The following MGST1 variants were observed in gnomAD, a reference collection of about 807,000 sequenced individuals.
MGST1 encodes microsomal glutathione S-transferase 1.
A neutral mutation model predicts 8.9 loss-of-function variants in MGST1; 5 were observed. That is an observed-to-expected ratio of 0.56 (90% confidence interval 0.29 to 1.19). The LOEUF (loss-of-function observed/expected upper bound fraction) is 1.19. MGST1 is among the 50% of genes most tolerant of loss of function. MGST1 has a pLI of 0.08. For missense variants in MGST1, 182 were observed against 187.4 expected (o/e 0.97, Z 0.17); for synonymous variants, 54 against 67.8 (o/e 0.80, Z 1.00).
Position 16,587,757 on chromosome 12 carries a change from G to T in MGST1, n.483-1771G>T, listed in dbSNP as rs905340732. On this transcript the variant is annotated intron_variant and non_coding_transcript_variant, in intron 4 of 4. Transcript: ENST00000538857. This position sits in a 1 kb window ranked among gnomAD's most constrained non-coding sequence, Gnocchi z 4.3. ...CAGTAAACACTGCCTTTGGTACACA[G>T]GGTTCTCTTAGCATTTATCTGTCTA... 2.0e-5 allele frequency among the ~76,000 whole-genome samples: 3 copies of T among 151,552 alleles called. No individual in the cohort carries two copies. The highest frequency in any genetic ancestry group is 4.4e-5 in the Non-Finnish European group (3 of 67,718).
intron 4 of MGST1, among the ~76,000 whole-genome samples, chr12:16,541,237 T>A (rs1941791782): frequency 6.6e-6 from 1 of 152,226 alleles, no homozygotes; most frequent in African/African-American, 2.4e-5. Context: ...ATATTATCTT[T>A]GTTTTTCTTT....
chr12:16,554,455 G>C (rs1379099110), intron 4 of MGST1, among the ~76,000 whole-genome samples: 1 of 152,032 alleles, frequency 6.6e-6, no homozygotes, highest in East Asian at 1.9e-4. Context: ...ATACTATACT[G>C]TTTTCAATAA....
In MGST1 at chr12:16,479,535, CT is replaced by C. The variant is rs71054820; in HGVS notation, n.482+95947del. On this transcript the variant is annotated intron_variant and non_coding_transcript_variant, in intron 4 of 4. Coordinates refer to the MGST1 transcript ENST00000538857. ...AGGCGTGAGCCACTGCGCCCGGCCT[CT>C]TTTTTTTTTTTTTTTGAGACAGGGT... 2.3e-3 allele frequency among the ~76,000 whole-genome samples: 264 copies of C among 113,086 alleles called. 5 individuals are homozygous for C. Among genetic ancestry groups the C allele is most frequent in the African/African-American group, 7.4e-3 (192 of 26,038 alleles). The allele number at this position is 113,086 out of a possible 152,430, so 74.2% of individuals were successfully genotyped here. A position where few individuals can be genotyped will look rare whatever the true frequency, so the allele number is the denominator to read the frequency against.
At chr12:16,491,720 G>T (rs918445308) in intron 4 of MGST1, among the ~76,000 whole-genome samples, 27 of 152,124 alleles carry the variant, frequency 1.8e-4, no homozygotes, top group African/African-American at 1.9e-4. Context: ...CTTATAGATA[G>T]AATTATGTTT....
chr12:16,481,657 T>G (rs1177138843), intron 4 of MGST1, among the ~76,000 whole-genome samples: 2 of 151,962 alleles, frequency 1.3e-5, no homozygotes, highest in Non-Finnish European at 2.9e-5. Flanking sequence ...AAGAAATAAT[T>G]AATAATCTAG....
chr12:16,399,990 A>G, intron 1 of MGST1: 14 of 1,440,816 alleles, frequency 9.7e-6, no homozygotes, highest in Non-Finnish European at 7.8e-6. Flanking sequence ...GGAGGCAGGT[A>G]CTCCTGTAGG....
chr12:16,423,808 A>G (rs1940862935), intron 1 of MGST1, among the ~76,000 whole-genome samples: 1 of 152,124 alleles, frequency 6.6e-6, no homozygotes, highest in Non-Finnish European at 1.5e-5. Flanking sequence ...TGCTCCCTCA[A>G]TTCACAGAAA....
intron 4 of MGST1, among the ~76,000 whole-genome samples, chr12:16,551,822 ACT>A (rs1942001385): frequency 6.6e-6 from 1 of 152,012 alleles, no homozygotes; most frequent in Non-Finnish European, 1.5e-5. Flanking sequence ...GCTTTCTTTT[ACT>A]CTGTTATTAA....
At chr12:16,397,263 AC>A (rs1239241941) in intron 1 of MGST1, among the ~76,000 whole-genome samples, 1 of 152,210 alleles carries the variant, frequency 6.6e-6, no homozygotes, top group African/African-American at 2.4e-5. Context: ...CTCTCACCTT[AC>A]AGAAAAATCA....
chr12:16,409,425 G>A (rs561128996), intron 1 of MGST1, among the ~76,000 whole-genome samples: 10 of 152,210 alleles, frequency 6.6e-5, no homozygotes, highest in African/African-American at 2.4e-4. Context: ...TCTCAATAGG[G>A]TGATGTAATA....
At chr12:16,550,975 A>C in intron 4 of MGST1, 1 of 403,012 alleles carries the variant, frequency 2.5e-6, no homozygotes, top group East Asian at 3.6e-5. Flanking sequence ...TGACACAAAA[A>C]CGAATAGCAA....
chr12:16,571,036 T>G (rs1229960103), intron 4 of MGST1, among the ~76,000 whole-genome samples: 1 of 152,056 alleles, frequency 6.6e-6, no homozygotes, highest in Admixed American at 6.6e-5. Context: ...AGTATAATAA[T>G]AATAAATTTT....
At chr12:16,448,752 G>A (rs981489215) in intron 4 of MGST1, among the ~76,000 whole-genome samples, 4 of 151,832 alleles carry the variant, frequency 2.6e-5, no homozygotes. Flanking sequence ...GAGGATTTTG[G>A]AGGACCTTTA....
chr12:16,397,589 A>G (rs1940615940), intron 1 of MGST1, among the ~76,000 whole-genome samples: 2 of 152,004 alleles, frequency 1.3e-5, no homozygotes, highest in South Asian at 4.1e-4. Flanking sequence ...AAAAAAAACA[A>G]ACAACAAAGA....
chr12:16,395,420 T>TA (rs1232261402), intron 1 of MGST1, among the ~76,000 whole-genome samples: 1 of 152,130 alleles, frequency 6.6e-6, no homozygotes, highest in African/African-American at 2.4e-5. Flanking sequence ...AGTCTTCTTT[T>TA]AAAAAAATTT....
chr12:16,563,163 C>T (rs1270257991), intron 4 of MGST1, among the ~76,000 whole-genome samples: 1 of 152,166 alleles, frequency 6.6e-6, no homozygotes. Context: ...TACAAGGGAA[C>T]ATTTTACTGA....
intron 4 of MGST1, among the ~76,000 whole-genome samples, chr12:16,508,269 C>T (rs1011393166): frequency 2.6e-5 from 4 of 152,154 alleles, no homozygotes; most frequent in African/African-American, 9.7e-5. Flanking sequence ...CTTTCCCACT[C>T]ATTCATTAGA....
chr12:16,554,475 G>C (rs1942110843), intron 4 of MGST1, among the ~76,000 whole-genome samples: 1 of 151,994 alleles, frequency 6.6e-6, no homozygotes, highest in African/African-American at 2.4e-5. Flanking sequence ...AGAAGTCCGG[G>C]TTGTGTACTC....
downstream of MGST1, among the ~76,000 whole-genome samples, chr12:16,441,949 A>C (rs1565455528): frequency 6.6e-6 from 1 of 151,780 alleles, no homozygotes; most frequent in Non-Finnish European, 1.5e-5. Context: ...CTCCGTCAGC[A>C]ATGCTCCACA....
Sources: gnomAD v4.1 joint callset for allele counts (sites outside exome capture counted in the v4.1 genomes callset) on GRCh38, gnomAD v4.1.1 for gene constraint, Gnocchi (gnomAD v3.1) non-coding constraint, MANE v1.5 for transcripts, NCBI Gene and HGNC (gene_info 2026-07-23, HGNC 2026-07-21) for gene names.